LRP1B: variants seen among roughly 807,000 people sequenced by gnomAD.
LRP1B encodes the protein low-density lipoprotein receptor-related protein 1B.
A neutral mutation model predicts 556.6 loss-of-function variants in LRP1B; 217 were observed. The ratio of observed to expected loss-of-function variants is 0.39; its 90% CI spans 0.35 to 0.44. The LOEUF (loss-of-function observed/expected upper bound fraction) is 0.44, where lower values mean the gene tolerates loss of function less well. Ranked by LOEUF, LRP1B falls within the 20% of genes least tolerant of loss-of-function variation. LRP1B has a pLI of 1.00. For synonymous variants in LRP1B, 2,047 were observed against 1,865.8 expected, an observed-to-expected ratio of 1.10 and a Z score of -2.50; for missense variants, 5,053 against 5,620.8, an observed-to-expected ratio of 0.90 and a Z score of 3.23.
intron 1 of LRP1B, among the ~76,000 whole-genome samples, chr2:141,951,503 A>G (rs1701104504): frequency 6.6e-6 from 1 of 152,198 alleles, no homozygotes; most frequent in East Asian, 1.9e-4. Context: ...TGTCGTTGCC[A>G]CAAAAGTGAT....
At chr2:140,907,542 C>G (rs112845756) in intron 22 of LRP1B, among the ~76,000 whole-genome samples, 2 of 152,196 alleles carry the variant, frequency 1.3e-5, no homozygotes, top group African/African-American at 2.4e-5. Flanking sequence ...TGAGGAACAA[C>G]AAGTTTTCCT....
chr2:141,324,114 T>TCACACA (rs113196488), intron 3 of LRP1B, among the ~76,000 whole-genome samples: 2 of 66,812 alleles, frequency 3.0e-5, no homozygotes, highest in Admixed American at 1.3e-4. Context: ...AACAAAGAAA[T>TCACACA]CACACACACA....
intron 3 of LRP1B, among the ~76,000 whole-genome samples, chr2:141,283,423 C>A (rs564438136): frequency 6.7e-6 from 1 of 150,182 alleles, no homozygotes; most frequent in Non-Finnish European, 1.5e-5. Context: ...TTAAGGAAGG[C>A]GGGGGAGGTG....
In LRP1B at chr2:140,950,244, T is replaced by G; in HGVS notation, c.3127A>C (p.Thr1043Pro). Residue 1043 changes from threonine to proline, a missense_variant, in exon 20 of 91, where the codon ACT becomes CCT. By Grantham distance (38) the Thr-to-Pro change is conservative (BLOSUM62 -1). This residue lies in a region of LRP1B where 3,619 missense variants were observed against 3,931.9 expected (regional missense o/e 0.92). Transcript: ENST00000389484. ...DFSDEAQINCTKEEIHSPAGC... is the reference protein window; with the variant it reads ...DFSDEAQINCPKEEIHSPAGC... ...TTATAAAATTACTAACCTTCTTTAG[T>G]ACAATTGATCTGGGCTTCATCACTG... 1 of 1,585,006 alleles carries G rather than the reference T, an allele frequency of 6.3e-7. No homozygotes were observed.
At chr2:141,290,771 A>T (rs1306028518) in intron 3 of LRP1B, among the ~76,000 whole-genome samples, 3 of 152,204 alleles carry the variant, frequency 2.0e-5, no homozygotes, top group Non-Finnish European at 4.4e-5. Flanking sequence ...TTATTTTGGG[A>T]ATAAATAAAA....
intron 3 of LRP1B, among the ~76,000 whole-genome samples, chr2:141,408,480 A>G (rs1169651510): frequency 6.6e-6 from 1 of 152,088 alleles, no homozygotes. Flanking sequence ...TTAGATAGGT[A>G]TAGGTCCAGG....
At chr2:141,644,729 T>TCTCA (rs1553441194) in intron 2 of LRP1B, among the ~76,000 whole-genome samples, 2 of 141,520 alleles carry the variant, frequency 1.4e-5, no homozygotes, top group Non-Finnish European at 1.5e-5. Flanking sequence ...CAGTCATTGA[T>TCTCA]CACACACACA....
intron 1 of LRP1B, among the ~76,000 whole-genome samples, chr2:141,824,194 C>A (rs1696848862): frequency 6.6e-6 from 1 of 152,044 alleles, no homozygotes; most frequent in Admixed American, 6.6e-5. Flanking sequence ...TCATTATGTG[C>A]CACATGCTAA....
At chr2:141,810,155 AAG>A (rs1215346267) in intron 2 of LRP1B, 122 bp downstream of exon 2, 1 of 457,154 alleles carries the variant, frequency 2.2e-6, no homozygotes, top group South Asian at 6.0e-5. Flanking sequence ...GAAAGAAAGA[AAG>A]AAAGAAAGAA....
chr2:140,986,345 C>G (rs1437789057), intron 17 of LRP1B, among the ~76,000 whole-genome samples: 1 of 151,986 alleles, frequency 6.6e-6, no homozygotes, highest in African/African-American at 2.4e-5. Context: ...TCTCTTCGTG[C>G]ACAGGTATTA....
chr2:141,609,664 G>A (rs752903996), intron 2 of LRP1B, among the ~76,000 whole-genome samples: 2 of 152,098 alleles, frequency 1.3e-5, no homozygotes, highest in Admixed American at 6.6e-5. Flanking sequence ...GTTCAAAAAC[G>A]AGCTCTGGCA....
intron 3 of LRP1B, among the ~76,000 whole-genome samples, chr2:141,269,355 A>C (rs1172313174): frequency 6.6e-6 from 1 of 152,218 alleles, no homozygotes; most frequent in Non-Finnish European, 1.5e-5. Context: ...ATTTTATTGC[A>C]TAAGACTATT....
chr2:141,121,911 C>T (rs937528608), intron 7 of LRP1B, among the ~76,000 whole-genome samples: 6 of 151,998 alleles, frequency 3.9e-5, no homozygotes, highest in Non-Finnish European at 5.9e-5. Context: ...GAGATATAGG[C>T]CAATGGAACA....
chr2:141,834,102 T>C (rs973921337), intron 1 of LRP1B, among the ~76,000 whole-genome samples: 2 of 151,844 alleles, frequency 1.3e-5, no homozygotes, highest in Non-Finnish European at 2.9e-5. Flanking sequence ...AGTTCAAAAC[T>C]GAGGATGGAC....
chr2:141,584,153 G>C (rs1383651434), intron 2 of LRP1B, among the ~76,000 whole-genome samples: 3 of 152,062 alleles, frequency 2.0e-5, no homozygotes, highest in African/African-American at 7.2e-5. Context: ...GCTGAGGAGG[G>C]AGGATCACTG....
chr2:140,628,575 A>T (rs1683761972), intron 41 of LRP1B, among the ~76,000 whole-genome samples: 1 of 151,766 alleles, frequency 6.6e-6, no homozygotes, highest in South Asian at 2.1e-4. Flanking sequence ...AAGCTCACTC[A>T]CACTACAAAT....
At chr2:141,224,170 A>G (rs1353843910) in intron 6 of LRP1B, among the ~76,000 whole-genome samples, 1 of 152,128 alleles carries the variant, frequency 6.6e-6, no homozygotes, top group Non-Finnish European at 1.5e-5. Flanking sequence ...ACACACAAAC[A>G]TTAAAAAGTG....
At chr2:141,370,202 T>C (rs1689180973) in intron 3 of LRP1B, among the ~76,000 whole-genome samples, 1 of 152,188 alleles carries the variant, frequency 6.6e-6, no homozygotes, top group African/African-American at 2.4e-5. Context: ...CTAGTAGTTC[T>C]ATTTCTTTGA....
At chr2:142,065,769 C>T (rs1705087470) in intron 1 of LRP1B, among the ~76,000 whole-genome samples, 2 of 151,342 alleles carry the variant, frequency 1.3e-5, no homozygotes, top group Non-Finnish European at 3.0e-5. Flanking sequence ...CCAAAATTTT[C>T]CAAATTTTTA....
Sources: allele counts gnomAD v4.1 joint callset (sites outside exome capture counted in the v4.1 genomes callset), GRCh38; gene constraint gnomAD v4.1.1; regional missense constraint gnomAD v4.1.1; transcripts MANE v1.5; gene names NCBI Gene and HGNC (gene_info 2026-07-23, HGNC 2026-07-21).